The following SLC20A1 variants were observed in gnomAD, a reference collection of about 807,000 sequenced individuals.
SLC20A1 encodes the protein solute carrier family 20 member 1.
Under a neutral mutation model 62.7 loss-of-function variants are expected in SLC20A1, and 28 were observed. That is an observed-to-expected ratio of 0.45 (90% CI 0.33 to 0.61). The LOEUF (loss-of-function observed/expected upper bound fraction) is 0.61. SLC20A1 is among the 20% of genes least tolerant of loss of function. The pLI is 0.02. For missense variants in SLC20A1, 673 were observed against 838.6 expected, an observed-to-expected ratio of 0.80 and a Z score of 2.44; for synonymous variants, 305 against 302.9, an observed-to-expected ratio of 1.01 and a Z score of -0.07.
Position 112,646,659 on chromosome 2 carries a change from C to T in SLC20A1, c.-170C>T, listed in dbSNP as rs1392156615. 7.4e-6 allele frequency: 2 copies of T among 271,774 alleles called. No homozygotes were observed. The highest frequency in any genetic ancestry group is 2.2e-5 in the African/African-American group (1 of 45,116). 16.8% of individuals were successfully genotyped at this position (271,774 alleles called of 1,614,324 possible). A position where few individuals can be genotyped will look rare whatever the true frequency, so the allele number is the denominator to read the frequency against. On this transcript the variant is annotated 5_prime_UTR_variant, in exon 2 of 11. In the 5' UTR this introduces an upstream ATG that the reference lacks. Coordinates refer to ENST00000272542, the MANE Select transcript of SLC20A1 (RefSeq NM_005415.5). Reference sequence around the variant, plus strand: ...AAACCCCAGACAACAGATGCCCATACGCAGCGTATAGCAGTAACTCCCCAG... The same window carrying T: ...AAACCCCAGACAACAGATGCCCATATGCAGCGTATAGCAGTAACTCCCCAG...
Position 112,663,385 on chromosome 2 carries a change from G to T in SLC20A1, c.*360G>T, listed in dbSNP as rs1296061376. 1 of 350,434 alleles carries T rather than the reference G, an allele frequency of 2.9e-6. No homozygotes were observed. Among genetic ancestry groups the T allele is most frequent in the African/African-American group, 2.2e-5 (1 of 46,442 alleles). The allele number at this position is 350,434 out of a possible 1,614,324, so 21.7% of individuals were successfully genotyped here. The stretch of plus-strand genomic sequence containing the variant: ...TTTTCTTTTTTTTAAACCATGAAGA[G>T]CCGTTTGACAGAGCATGCTCTGCGT... On this transcript the variant is annotated 3_prime_UTR_variant, in exon 11 of 11. Transcript: ENST00000272542.
At chr2:112,658,183 G>A (rs1686647553) in intron 6 of SLC20A1, among the ~76,000 whole-genome samples, 1 of 152,148 alleles carries the variant, frequency 6.6e-6, no homozygotes, top group Admixed American at 6.5e-5. Context: ...CTTTATGTTA[G>A]TCAGTCTGTA....
chr2:112,657,010 CA>C lies in SLC20A1; in HGVS notation c.659-111del, dbSNP rs553199630. The stretch of plus-strand genomic sequence containing the variant: ...TGCACTTAAATCTGGCAGCAGCTGT[CA>C]GGGGTGATGGGCTGGTATGGGGAAC... On this transcript the variant is annotated intron_variant, in intron 5 of 10. Transcript: ENST00000272542. 163 of 1,245,618 alleles carry C rather than the reference CA, an allele frequency of 1.3e-4. No individual in the cohort carries two copies. The East Asian group carries it at 3.5e-3, about 27-fold the overall frequency. The allele number at this position is 1,245,618 out of a possible 1,614,324, so 77.2% of individuals were successfully genotyped here.
In SLC20A1 at chr2:112,659,270, C is replaced by T. The variant is rs1273822472; in HGVS notation, c.1115C>T (p.Ser372Phe). 1 of 1,614,176 alleles carries T rather than the reference C, an allele frequency of 6.2e-7. No individual in the cohort carries two copies. Among genetic ancestry groups the T allele is most frequent in the African/African-American group, 1.3e-5 (1 of 75,034 alleles). Residue 372 changes from serine (S) to phenylalanine (F), a missense_variant, in exon 8 of 11, where the codon TCC (serine) becomes TTC (phenylalanine). Ser to Phe is a radical substitution (Grantham distance 155). Transcript: ENST00000272542. ...FSQAVSNQIN[S>F]SGHYQYHTVH... is the part of the protein sequence containing the mutation. ...CAAGCCGTCAGCAACCAAATAAACT[C>T]CAGTGGCCACTACCAGTATCACACC...
chr2:112,647,021 C>T lies in SLC20A1; in HGVS notation c.193C>T (p.Leu65=), dbSNP rs996086839. 5 of 1,614,136 alleles carry T rather than the reference C, an allele frequency of 3.1e-6. No homozygotes were observed. Among genetic ancestry groups the T allele is most frequent in the East Asian group, 2.2e-5 (1 of 44,886 alleles). The change falls in exon 2 of 11, where the codon CTA becomes TTA. Residue 65 remains leucine, a synonymous_variant. Transcript: ENST00000272542. ...AGTGACCCTGAAGCAAGCCTGCATC[C>T]TAGCTAGCATCTTTGAAACAGTGGG... is the stretch of plus-strand genomic sequence containing the variant. ...GVVTLKQACI[L]ASIFETVGSV... is the part of the protein sequence containing the mutation.
intron 4 of SLC20A1, 107 bp from the exon 5 acceptor site, chr2:112,652,595 G>A: frequency 1.2e-6 from 1 of 834,154 alleles, no homozygotes; most frequent in Non-Finnish European, 2.0e-6. Flanking sequence ...CTACTCTGGA[G>A]AGAGTTATTG....
chr2:112,647,617 T>C (rs748279925), intron 3 of SLC20A1, 36 bp from the exon 4 acceptor site: 1 of 1,594,974 alleles, frequency 6.3e-7, no homozygotes, highest in East Asian at 2.2e-5. Flanking sequence ...CTGATTTTCA[T>C]TATTTGATAT....
rs1686808240 is a variant in SLC20A1 at position 112,663,596 on chromosome 2, A to C, written c.*571A>C. Reference sequence around the variant, plus strand: ...GGGATGAGGTTCTTTGAACACAGTGAAAATTTAAATTAGTAACTTTTTTGC... The same window carrying C: ...GGGATGAGGTTCTTTGAACACAGTGCAAATTTAAATTAGTAACTTTTTTGC... On this transcript the variant is annotated 3_prime_UTR_variant, in exon 11 of 11. Coordinates refer to ENST00000272542, the MANE Select transcript of SLC20A1 (RefSeq NM_005415.5). 1 of 155,970 alleles carries C rather than the reference A, an allele frequency of 6.4e-6. No homozygotes were observed. The highest frequency in any genetic ancestry group is 1.4e-5 in the Non-Finnish European group (1 of 70,186). The allele number at this position is 155,970 out of a possible 1,614,324, so 9.7% of individuals were successfully genotyped here. A position where few individuals can be genotyped will look rare whatever the true frequency, so the allele number is the denominator to read the frequency against.
At chr2:112,660,772 G>A (rs1403805126) in intron 9 of SLC20A1, 200 bp downstream of exon 9, 1 of 543,214 alleles carries the variant, frequency 1.8e-6, no homozygotes, top group East Asian at 3.0e-5. Flanking sequence ...TAGCTCTGGT[G>A]GTCTCTGAAG....
rs780373727 is a variant in SLC20A1 at position 112,659,559 on chromosome 2, C to T, written c.1404C>T (p.Cys468=). 10 of 1,614,076 alleles carry T rather than the reference C, an allele frequency of 6.2e-6. No individual in the cohort carries two copies. The East Asian group carries it at 1.1e-4, about 18-fold the overall frequency. The change falls in exon 8 of 11, where the codon TGC becomes TGT. Residue 468 remains cysteine (C), a synonymous_variant. Coordinates refer to ENST00000272542, the MANE Select transcript of SLC20A1 (RefSeq NM_005415.5). ...GAATGGACAGTTACACCAGTTACTG[C>T]AATGCTGTGTCTGACCTTCACTCAG... The part of the protein sequence containing the change: ...RIRMDSYTSY[C]NAVSDLHSAS...
At chr2:112,661,502 A>AT (rs1686747764) in intron 10 of SLC20A1, among the ~76,000 whole-genome samples, 1 of 135,148 alleles carries the variant, frequency 7.4e-6, no homozygotes, top group Admixed American at 7.7e-5. Context: ...TCTTTATAAT[A>AT]ATTTTTTTTT....
At chr2:112,653,021 C>T in intron 5 of SLC20A1, 1 of 1,077,104 alleles carries the variant, frequency 9.3e-7, no homozygotes, top group Non-Finnish European at 1.4e-6. Context: ...CAGACCTTTC[C>T]TCTTTAGTCT....
chr2:112,646,810 A>G lies in SLC20A1; in HGVS notation c.-19A>G, dbSNP rs766390210. The G allele has an allele frequency of 5.0e-6, 8 of 1,584,196 alleles. No homozygotes were observed. Among genetic ancestry groups the G allele is most frequent in the Non-Finnish European group, 6.9e-6 (8 of 1,161,134 alleles). On this transcript the variant is annotated 5_prime_UTR_variant, in exon 2 of 11. Coordinates refer to ENST00000272542, the MANE Select transcript of SLC20A1 (RefSeq NM_005415.5). ...AGGCGCTCAGTAGTTCTCTTACTAA[A>G]CAACCACTACTCCAGAGAATGGCAA... is the stretch of plus-strand genomic sequence containing the variant.
Position 112,647,003 on chromosome 2 carries a change from C to T in SLC20A1, c.175C>T (p.Leu59=). 6.2e-7 allele frequency: 1 copy of T among 1,614,122 alleles called. No individual in the cohort carries two copies. The highest frequency in any genetic ancestry group is 8.5e-7 in the Non-Finnish European group (1 of 1,180,030). The change falls in exon 2 of 11, where the codon CTG becomes TTG. Residue 59 remains leucine (L), a synonymous_variant. Transcript: ENST00000272542. ...AGCTGTGGGCTCAGGTGTAGTGACC[C>T]TGAAGCAAGCCTGCATCCTAGCTAG... ...GTAVGSGVVT[L]KQACILASIF...
At chr2:112,659,170 T>C in intron 7 of SLC20A1, 34 bp from the exon 8 acceptor site, 1 of 1,605,510 alleles carries the variant, frequency 6.2e-7, no homozygotes, top group Non-Finnish European at 8.5e-7. Flanking sequence ...TTGATGCTTT[T>C]TGTATTGAAT....
intron 5 of SLC20A1, among the ~76,000 whole-genome samples, chr2:112,654,806 G>T (rs1294129783): frequency 6.7e-6 from 1 of 148,728 alleles, no homozygotes; most frequent in Non-Finnish European, 1.5e-5. Context: ...TGAGGCAGGA[G>T]AATCACTTGA....
intron 3 of SLC20A1, 25 bp from the exon 4 acceptor site, chr2:112,647,628 T>A: frequency 6.2e-7 from 1 of 1,601,570 alleles, no homozygotes; most frequent in Non-Finnish European, 8.5e-7. Context: ...TATTTGATAT[T>A]TTTTCTTAAT....
chr2:112,660,291 T>C, intron 8 of SLC20A1, 96 bp from the exon 9 acceptor site: 1 of 1,077,900 alleles, frequency 9.3e-7, no homozygotes, highest in Non-Finnish European at 1.4e-6. Context: ...TTGAAAGCTG[T>C]ACTTTAGACA....
Position 112,662,919 on chromosome 2 carries a change from G to A in SLC20A1, c.1934G>A (p.Arg645His), listed in dbSNP as rs1334175844. 28 of 1,613,964 alleles carry A rather than the reference G, an allele frequency of 1.7e-5. No homozygotes were observed. The highest frequency in any genetic ancestry group is 4.0e-5 in the African/African-American group (3 of 74,888). The change falls in exon 11 of 11, where the codon CGT (arginine) becomes CAT (histidine). Residue 645 changes from arginine to histidine, a missense_variant. Arg to His is a conservative substitution (Grantham distance 29). Transcript: ENST00000272542. ...CGGTCCAAGAAGGCTGTTGACTGGC[G>A]TCTCTTTCGTAACATTTTTATGGCC... ...WLRSKKAVDW[R>H]LFRNIFMAWF...
Sources: gnomAD v4.1 joint callset for allele counts (sites outside exome capture counted in the v4.1 genomes callset) on GRCh38, gnomAD v4.1.1 for gene constraint, MANE v1.5 for transcripts, NCBI Gene and HGNC (gene_info 2026-07-23, HGNC 2026-07-21) for gene names.